Variants in KIT observed in about 807,000 individuals in gnomAD.
KIT encodes the protein mast/stem cell growth factor receptor Kit.
A neutral mutation model predicts 105.7 loss-of-function variants in KIT; 16 were observed. The ratio of observed to expected loss-of-function variants is 0.15; its 90% CI spans 0.10 to 0.23. The LOEUF is 0.23. Ranked by LOEUF, KIT falls within the 10% of genes least tolerant of loss-of-function variation. The pLI is 1.00. For synonymous variants in KIT, 438 were observed against 441.1 expected, an observed-to-expected ratio of 0.99 and a Z score of 0.09; for missense variants, 858 against 1,213.8, an observed-to-expected ratio of 0.71 and a Z score of 4.36.
intron 14 of KIT, 68 bp from the exon 15 acceptor site, chr4:54,731,260 G>A (rs1022395423): frequency 5.8e-6 from 6 of 1,030,004 alleles, no homozygotes; most frequent in Non-Finnish European, 9.3e-6. Context: ...AGGAGGTAGA[G>A]CATGACCCAT....
chr4:54,661,689 A>T (rs965223197), intron 1 of KIT, among the ~76,000 whole-genome samples: 3 of 152,268 alleles, frequency 2.0e-5, no homozygotes, highest in Non-Finnish European at 4.4e-5. Context: ...TGCAAATTTC[A>T]TGTGCAGTTT....
chr4:54,718,622 T>G (rs1721651177), intron 7 of KIT, among the ~76,000 whole-genome samples: 1 of 152,168 alleles, frequency 6.6e-6, no homozygotes. Context: ...TCTAAAATAT[T>G]TACCTGAAAT....
intron 6 of KIT, among the ~76,000 whole-genome samples, chr4:54,708,585 G>A (rs562283161): frequency 6.6e-6 from 1 of 152,312 alleles, no homozygotes; most frequent in South Asian, 2.1e-4. Context: ...TTGGGGGCAT[G>A]AAAGTAGCTC....
rs1425381105 is a variant in KIT, at chr4:54,740,173, A to G, written c.*1616A>G. 4.7e-5 allele frequency: 11 copies of G among 233,514 alleles called. No homozygotes were observed. The highest frequency in any genetic ancestry group is 9.3e-5 in the Non-Finnish European group (11 of 118,000). The allele number at this position is 233,514 out of a possible 1,614,324, so 14.5% of individuals were successfully genotyped here. On this transcript the variant is annotated 3_prime_UTR_variant, in exon 21 of 21. Transcript: ENST00000288135. Reference sequence around the variant, plus strand: ...CTTCTACATTTCTTAGACTACATTTAGAGAACTGTGGCCGTTATCTGGAAG... The same window carrying G: ...CTTCTACATTTCTTAGACTACATTTGGAGAACTGTGGCCGTTATCTGGAAG...
intron 9 of KIT, 44 bp downstream of exon 9, chr4:54,726,094 G>A: frequency 6.8e-7 from 1 of 1,475,454 alleles, no homozygotes; most frequent in Non-Finnish European, 9.5e-7. Flanking sequence ...TTTAGGCTCT[G>A]TCTACCATAT....
intron 7 of KIT, among the ~76,000 whole-genome samples, chr4:54,722,875 TTATATATATGTATTTATATATA>T (rs1438939997): frequency 7.2e-6 from 1 of 138,718 alleles, no homozygotes; most frequent in African/African-American, 3.0e-5. Flanking sequence ...GTATATATAT[TTATATATATGTATTTATATATA>T]TATATTCACG....
rs72549288 is a variant in KIT, at chr4:54,707,367, C to T, written c.1115+80C>T. On this transcript the variant is annotated intron_variant, in intron 6 of 20. Coordinates refer to ENST00000288135, the MANE Select transcript of KIT (RefSeq NM_000222.3). ...CTTATCAGATCTTATTTCTGTAACC[C>T]GTAAATCCACGAGAAGATACCTGGT... is the stretch of plus-strand genomic sequence containing the variant. 2.2e-3 allele frequency: 2,177 copies of T among 994,876 alleles called. 28 individuals are homozygous for T. The African/African-American group carries it at 0.03, about 14-fold the overall frequency. 61.6% of individuals were successfully genotyped at this position (994,876 alleles called of 1,614,324 possible). A position where few individuals can be genotyped will look rare whatever the true frequency, so the allele number is the denominator to read the frequency against.
chr4:54,660,371 T>C (rs1717166099), intron 1 of KIT, among the ~76,000 whole-genome samples: 1 of 152,182 alleles, frequency 6.6e-6, no homozygotes, highest in African/African-American at 2.4e-5. Flanking sequence ...GTTTCGTTCC[T>C]GCAGGTGTGA....
At chr4:54,690,301 G>T (rs1577945570) in intron 1 of KIT, among the ~76,000 whole-genome samples, 3 of 152,162 alleles carry the variant, frequency 2.0e-5, no homozygotes, top group Non-Finnish European at 2.9e-5. Flanking sequence ...TACCTGAAGA[G>T]GTTATAAGCC....
rs1577997814 is a variant in KIT at position 54,729,325 on chromosome 4, G to A, written c.1991-10G>A. On this transcript the variant is annotated splice_polypyrimidine_tract_variant and intron_variant, in intron 13 of 20. Transcript: ENST00000288135. ...CACCTTCTTTCTAACCTTTTCTTAT[G>A]TGCTTTTAGGGCCCACCCTGGTCAT... is the stretch of plus-strand genomic sequence containing the variant. 2 of 1,613,106 alleles carry A rather than the reference G, an allele frequency of 1.2e-6. No individual in the cohort carries two copies. Among genetic ancestry groups the A allele is most frequent in the Admixed American group, 1.7e-5 (1 of 59,984 alleles).
intron 4 of KIT, among the ~76,000 whole-genome samples, chr4:54,700,849 G>C (rs375088812): frequency 1.3e-5 from 2 of 152,182 alleles, no homozygotes; most frequent in African/African-American, 4.8e-5. Flanking sequence ...TTGACTGGTA[G>C]AATGGATTGT....
chr4:54,664,013 T>G (rs1470011196), intron 1 of KIT, among the ~76,000 whole-genome samples: 1 of 151,856 alleles, frequency 6.6e-6, no homozygotes, highest in Non-Finnish European at 1.5e-5. Context: ...GAAGTAGAAT[T>G]TGGTTTTCTT....
chr4:54,696,838 C>G (rs1046012388), intron 2 of KIT, among the ~76,000 whole-genome samples: 19 of 152,278 alleles, frequency 1.2e-4, no homozygotes, highest in Admixed American at 1.2e-3. Flanking sequence ...TAAGTCACCA[C>G]TTCGCCTCAG....
Position 54,729,387 on chromosome 4 carries a change from T to G in KIT, c.2043T>G (p.Phe681Leu), listed in dbSNP as rs878853763. The G allele has an allele frequency of 2.5e-6, 4 of 1,613,692 alleles. No individual in the cohort carries two copies. In the African/African-American group the frequency reaches 5.3e-5, roughly 22 times the overall value. ...EYCCYGDLLN[F>L]LRRKRDSFIC... ...GTTGCTATGGTGATCTTTTGAATTT[T>G]TTGAGAAGAAAACGTGATTCATTTA... Residue 681 changes from phenylalanine to leucine, a missense_variant, in exon 14 of 21, where the codon TTT becomes TTG. Physicochemically the swap from Phe to Leu is conservative, Grantham distance 22. Coordinates refer to ENST00000288135, the MANE Select transcript of KIT (RefSeq NM_000222.3).
At chr4:54,708,121 A>T (rs1240537955) in intron 6 of KIT, among the ~76,000 whole-genome samples, 1 of 151,952 alleles carries the variant, frequency 6.6e-6, no homozygotes, top group Admixed American at 6.6e-5. Context: ...GGCAGGGAGG[A>T]GTTGAAGATG....
chr4:54,722,842 TTTA>T (rs1721965709), intron 7 of KIT, among the ~76,000 whole-genome samples: 6 of 136,418 alleles, frequency 4.4e-5, no homozygotes, highest in Admixed American at 4.2e-4. Flanking sequence ...TTTATATATA[TTTA>T]TATATATTTT....
chr4:54,660,168 G>C (rs1013635016), intron 1 of KIT, among the ~76,000 whole-genome samples: 5 of 152,124 alleles, frequency 3.3e-5, no homozygotes, highest in African/African-American at 7.2e-5. Context: ...CTGCTCACAG[G>C]GAAGTCATAG....
intron 2 of KIT, among the ~76,000 whole-genome samples, chr4:54,696,174 C>T (rs963163118): frequency 3.3e-5 from 5 of 151,984 alleles, no homozygotes; most frequent in Non-Finnish European, 7.4e-5. Flanking sequence ...CCTAACCAGA[C>T]CGACACTTCG....
Position 54,695,798 on chromosome 4 carries a change from CT to C in KIT, c.337+18del, listed in dbSNP as rs1466139897. The C allele has an allele frequency of 1.2e-5, 20 of 1,614,058 alleles. No individual in the cohort carries two copies. Among genetic ancestry groups the C allele is most frequent in the Non-Finnish European group, 1.6e-5 (19 of 1,180,018 alleles). ...TTGTTAGAGGTAAATGCTTGGCTTT[CT>C]GCAGTGCTGTGCTTTCAAGAATTTA... On this transcript the variant is annotated intron_variant, in intron 2 of 20. Coordinates refer to ENST00000288135, the MANE Select transcript of KIT (RefSeq NM_000222.3).
Sources: allele counts gnomAD v4.1 joint callset (sites outside exome capture counted in the v4.1 genomes callset), GRCh38; gene constraint gnomAD v4.1.1; transcripts MANE v1.5; gene names NCBI Gene and HGNC (gene_info 2026-07-23, HGNC 2026-07-21).